The following SPTBN2 variants were observed in gnomAD, a reference collection of about 807,000 sequenced individuals.
SPTBN2 encodes the protein spectrin beta, non-erythrocytic 2, also known as spectrin beta chain, non-erythrocytic 2.
In SPTBN2, 107 loss-of-function variants were observed where a neutral mutation model predicts 284.2. The ratio of observed to expected loss-of-function variants is 0.38; its 90% confidence interval spans 0.32 to 0.44. SPTBN2 has a LOEUF of 0.44. Among genes scored for constraint, SPTBN2 ranks in the 20% least tolerant of loss-of-function variants. The pLI, the probability that SPTBN2 is intolerant of heterozygous loss-of-function variation, is 1.00. For missense variants in SPTBN2, 2,569 were observed against 3,287.1 expected (o/e 0.78, Z 5.34); for synonymous variants, 1,289 against 1,354.8 (o/e 0.95, Z 1.07).
upstream of SPTBN2, among the ~76,000 whole-genome samples, chr11:66,732,675 G>GA (rs1013891123): frequency 5.0e-5 from 7 of 140,930 alleles, no homozygotes; most frequent in Non-Finnish European, 7.7e-5. Flanking sequence ...AAAAAAAATG[G>GA]AGAAAAGAGG....
chr11:66,743,969 T>A (rs1347361588), intron 1 of SPTBN2, among the ~76,000 whole-genome samples: 2 of 151,996 alleles, frequency 1.3e-5, no homozygotes, highest in Non-Finnish European at 2.9e-5. Flanking sequence ...CAAGCAATTA[T>A]CCTGCCTCAG....
chr11:66,731,743 T>C (rs1942815811), upstream of SPTBN2, among the ~76,000 whole-genome samples: 1 of 152,222 alleles, frequency 6.6e-6, no homozygotes, highest in Non-Finnish European at 1.5e-5. Context: ...CCTGAGTCAT[T>C]TGCACTCATT....
Position 66,710,977 on chromosome 11 carries a change from A to C in SPTBN2, c.825T>G (p.Thr275=). Residue 275 remains threonine (T), a synonymous_variant, in exon 9 of 38, where the codon ACT becomes ACG. Transcript: ENST00000533211. The surrounding 1 kb of genome is among the most constrained non-coding windows in gnomAD (Gnocchi z 4.9). The part of the protein sequence containing the change: ...DEKSIITYVA[T]YYHYFSKMKA... The stretch of plus-strand genomic sequence containing the variant: ...TCATCTTGGAGAAGTAATGGTAGTA[A>C]GTAGCCACATAGGTAATGATTGACT... 1 of 1,614,232 alleles carries C rather than the reference A, an allele frequency of 6.2e-7. No individual in the cohort carries two copies. The highest frequency in any genetic ancestry group is 1.1e-5 in the South Asian group (1 of 91,086).
Position 66,714,304 on chromosome 11 carries a change from G to C in SPTBN2, c.575+12C>G, listed in dbSNP as rs1942035586. The C allele has an allele frequency of 6.2e-7, 1 of 1,613,640 alleles. No individual in the cohort carries two copies. The highest frequency in any genetic ancestry group is 2.2e-5 in the East Asian group (1 of 44,870). On this transcript the variant is annotated intron_variant, in intron 6 of 37. Coordinates refer to ENST00000533211, the MANE Select transcript of SPTBN2 (RefSeq NM_006946.4). ...CTGACCCTCCAGTGCCACACGCCCA[G>C]GGTGTCCTCACCCTGCAGTCTTCAT...
chr11:66,689,321 C>A, intron 29 of SPTBN2, 141 bp from the exon 30 acceptor site: 1 of 926,790 alleles, frequency 1.1e-6, no homozygotes, highest in Non-Finnish European at 1.6e-6. Context: ...ATCACCAAGG[C>A]TGGAATGCAG....
chr11:66,687,318 A>T lies in SPTBN2; in HGVS notation c.6722+109T>A. The T allele has an allele frequency of 6.4e-7, 1 of 1,556,336 alleles. No homozygotes were observed. The highest frequency in any genetic ancestry group is 8.7e-7 in the Non-Finnish European group (1 of 1,143,058). On this transcript the variant is annotated intron_variant, in intron 35 of 37. Transcript: ENST00000533211. The surrounding 1 kb of genome is among the most constrained non-coding windows in gnomAD (Gnocchi z 5.2). ...TCCCCTGAGGCCCCGCTCTGGTCCC[A>T]AGTCCTACCCTTTGCCCAGAAGATG...
intron 8 of SPTBN2, among the ~76,000 whole-genome samples, chr11:66,711,571 T>A (rs1020420193): frequency 3.2e-4 from 49 of 152,298 alleles, no homozygotes; most frequent in African/African-American, 1.1e-3. Context: ...AGCTCAGCTG[T>A]GGGCCCAAGG....
Position 66,718,072 on chromosome 11 carries a change from C to T in SPTBN2, c.158-2091G>A, listed in dbSNP as rs566781917. Among the ~76,000 whole-genome samples, 7 of 152,210 alleles carry T rather than the reference C, an allele frequency of 4.6e-5. No individual in the cohort carries two copies. Among genetic ancestry groups the T allele is most frequent in the East Asian group, 3.9e-4 (2 of 5,166 alleles). On this transcript the variant is annotated intron_variant, in intron 3 of 37. Coordinates refer to ENST00000533211, the MANE Select transcript of SPTBN2 (RefSeq NM_006946.4). The surrounding 1 kb of genome is among the most constrained non-coding windows in gnomAD (Gnocchi z 4.8). ...CGCCTCCCCTAACTGTCCTGGCCAG[C>T]GCTCCACCGCCAGATCCGGATCCAC...
At position 66,715,685 on chromosome 11, in the gene SPTBN2, C is replaced by A. The variant is rs1045605233; in HGVS notation, c.309+145G>T. The A allele has an allele frequency of 1.7e-6, 2 of 1,174,844 alleles. No homozygotes were observed. The highest frequency in any genetic ancestry group is 3.0e-5 in the African/African-American group (2 of 65,952). The allele number at this position is 1,174,844 out of a possible 1,614,324, so 72.8% of individuals were successfully genotyped here. On this transcript the variant is annotated intron_variant, in intron 4 of 37. Coordinates refer to ENST00000533211, the MANE Select transcript of SPTBN2 (RefSeq NM_006946.4). The surrounding 1 kb of genome is among the most constrained non-coding windows in gnomAD (Gnocchi z 5.3). ...TCCTATGTAATCTAAGTGGCAAAGG[C>A]ACTTGAAATGAACCCATCCTCTGAG...
Position 66,698,634 on chromosome 11 carries a change from C to A in SPTBN2, c.4014+5G>T. 6.2e-7 allele frequency: 1 copy of A among 1,614,182 alleles called. No homozygotes were observed. Among genetic ancestry groups the A allele is most frequent in the Non-Finnish European group, 8.5e-7 (1 of 1,180,030 alleles). ...CCCAGAGGCAGCCCCCACAGCACTG[C>A]TCACCTTGTCCACCTTGTCCAGCCA... On this transcript the variant is annotated splice_donor_5th_base_variant and intron_variant, in intron 20 of 37. Transcript: ENST00000533211.
Position 66,688,097 on chromosome 11 carries a change from AAC to A in SPTBN2, c.6375-20_6375-19del. On this transcript the variant is annotated intron_variant, in intron 32 of 37. Transcript: ENST00000533211. ...GCTGGGTTCTGGGATGACCAAAGGC[AAC>A]ACAGAATCATTAGTCCCTGGGTGGC... 6.2e-7 allele frequency: 1 copy of A among 1,613,990 alleles called. No homozygotes were observed. Among genetic ancestry groups the A allele is most frequent in the Non-Finnish European group, 8.5e-7 (1 of 1,180,018 alleles).
chr11:66,744,002 A>G (rs865836951), intron 1 of SPTBN2, among the ~76,000 whole-genome samples: 1 of 152,096 alleles, frequency 6.6e-6, no homozygotes, highest in Admixed American at 6.5e-5. Context: ...CTGGGATTAC[A>G]GGCGCCCGCC....
At chr11:66,698,929 A>G (rs147209128) in intron 19 of SPTBN2, 63 bp downstream of exon 19, 2 of 1,608,256 alleles carry the variant, frequency 1.2e-6, no homozygotes, top group East Asian at 4.5e-5. Context: ...TGCTGGACTT[A>G]TTCTAGGCTC....
intron 1 of SPTBN2, among the ~76,000 whole-genome samples, chr11:66,737,927 A>G (rs1942865876): frequency 6.6e-6 from 1 of 152,148 alleles, no homozygotes; most frequent in Admixed American, 6.6e-5. Context: ...GATTTCTTCT[A>G]ATTTAGGCCG....
Position 66,715,451 on chromosome 11 carries a change from C to T in SPTBN2, c.310-56G>A. Reference sequence around the variant, plus strand: ...GACTGTGGGCTTCCACCTTCTTCCCCAGCCTTCACAGGGCCCAGCTTTGCA... The same window carrying T: ...GACTGTGGGCTTCCACCTTCTTCCCTAGCCTTCACAGGGCCCAGCTTTGCA... On this transcript the variant is annotated intron_variant, in intron 4 of 37. Coordinates refer to ENST00000533211, the MANE Select transcript of SPTBN2 (RefSeq NM_006946.4). The surrounding 1 kb of genome is among the most constrained non-coding windows in gnomAD (Gnocchi z 5.3). The T allele has an allele frequency of 6.4e-7, 1 of 1,567,972 alleles. No homozygotes were observed. Among genetic ancestry groups the T allele is most frequent in the Non-Finnish European group, 8.7e-7 (1 of 1,154,134 alleles).
In SPTBN2 at chr11:66,696,620, G is replaced by C. The variant is rs573013798; in HGVS notation, c.4015-80C>G. The C allele has an allele frequency of 3.2e-5, 50 of 1,574,874 alleles. No homozygotes were observed. In the East Asian group the frequency reaches 1.1e-3, roughly 33 times the overall value. On this transcript the variant is annotated intron_variant, in intron 20 of 37. Transcript: ENST00000533211. ...GCTGAGAGCAGACCAGGGGCCTTAC[G>C]GGCAGTAGAGACCTGAAGTGTGGGC... is the stretch of plus-strand genomic sequence containing the variant.
rs1487396259 is a variant in SPTBN2, at chr11:66,687,483, C to T, written c.6666G>A (p.Glu2222=). Reference sequence around the variant, plus strand: ...TCTCCTGCTTGCGGCACAGCATCCCCTCCATCTGCTCCTGGGCAGATGGCT... The same window carrying T: ...TCTCCTGCTTGCGGCACAGCATCCCTTCCATCTGCTCCTGGGCAGATGGCT... The part of the protein sequence containing the change: ...GPEPSAQEQM[E]GMLCRKQEME... The change falls in exon 35 of 38, where the codon GAG becomes GAA. Residue 2222 remains glutamate (E), a synonymous_variant. Coordinates refer to ENST00000533211, the MANE Select transcript of SPTBN2 (RefSeq NM_006946.4). The surrounding 1 kb of genome is among the most constrained non-coding windows in gnomAD (Gnocchi z 5.2). 1.2e-6 allele frequency: 2 copies of T among 1,610,944 alleles called. No individual in the cohort carries two copies. The highest frequency in any genetic ancestry group is 1.7e-6 in the Non-Finnish European group (2 of 1,180,000).
rs1360439227 is a variant in SPTBN2 at position 66,718,885 on chromosome 11, G to A, written c.157+2199C>T. 1.3e-5 allele frequency among the ~76,000 whole-genome samples: 2 copies of A among 152,242 alleles called. No homozygotes were observed. Among genetic ancestry groups the A allele is most frequent in the Non-Finnish European group, 2.9e-5 (2 of 68,038 alleles). Reference sequence around the variant, plus strand: ...GGACAGTGTTGGGGAGGGGAGAGAGGCGGAGTGTGGCCGGCGGGGGCAGGG... The same window carrying A: ...GGACAGTGTTGGGGAGGGGAGAGAGACGGAGTGTGGCCGGCGGGGGCAGGG... On this transcript the variant is annotated intron_variant, in intron 3 of 37. Transcript: ENST00000533211. This position sits in a 1 kb window ranked among gnomAD's most constrained non-coding sequence, Gnocchi z 4.8.
At chr11:66,719,210 C>T (rs1942282791) in intron 3 of SPTBN2, among the ~76,000 whole-genome samples, 1 of 152,212 alleles carries the variant, frequency 6.6e-6, no homozygotes, top group Admixed American at 6.5e-5. Context: ...TCCTTCACTC[C>T]CTCATCTGTG....
Sources: allele counts gnomAD v4.1 joint callset (sites outside exome capture counted in the v4.1 genomes callset), GRCh38; gene constraint gnomAD v4.1.1; non-coding constraint Gnocchi (gnomAD v3.1); transcripts MANE v1.5; gene names NCBI Gene and HGNC (gene_info 2026-07-23, HGNC 2026-07-21).